The following AMZ2 variants were observed in gnomAD, a reference collection of about 807,000 sequenced individuals.
AMZ2 encodes archaelysin family metallopeptidase 2.
AMZ2 carries 26 observed loss-of-function variants against 36.7 expected under a neutral mutation model. The ratio of observed to expected loss-of-function variants is 0.71; its 90% confidence interval spans 0.52 to 0.98. The LOEUF is 0.98. AMZ2 is among the 50% of genes least tolerant of loss of function. The pLI, the probability that AMZ2 is intolerant of heterozygous loss-of-function variation, is 0.00. For missense variants in AMZ2, 394 were observed against 430.5 expected (o/e 0.92, Z 0.75); for synonymous variants, 144 against 149.1 (o/e 0.97, Z 0.25).
chr17:68,225,025 A>AAAC (rs1555729551), intron 1 of AMZ2, among the ~76,000 whole-genome samples: 11 of 146,680 alleles, frequency 7.5e-5, no homozygotes, highest in Non-Finnish European at 1.5e-5. Context: ...TAAAAAAAAA[A>AAAC]ACACACACAC....
Position 68,250,363 on chromosome 17 carries a change from G to T in AMZ2, c.176G>T (p.Trp59Leu), listed in dbSNP as rs782698254. Reference sequence around the variant, plus strand: ...ATTACCTTGCATTCTCCATCAGATTGGATCACCTCCCACCCTGAGGCTCCC... The same window carrying T: ...ATTACCTTGCATTCTCCATCAGATTTGATCACCTCCCACCCTGAGGCTCCC... ...GPITLHSPSDWITSHPEAPQD... is the reference protein window; with the variant it reads ...GPITLHSPSDLITSHPEAPQD... The change falls in exon 2 of 7, where the codon TGG becomes TTG. Residue 59 changes from tryptophan (W) to leucine (L), a missense_variant. Trp to Leu is a moderately conservative substitution (Grantham distance 61). Coordinates refer to ENST00000359904, the MANE Select transcript of AMZ2 (RefSeq NM_016627.5). 1 of 1,614,104 alleles carries T rather than the reference G, an allele frequency of 6.2e-7. No homozygotes were observed.
chr17:68,224,359 G>C (rs1555729340), intron 1 of AMZ2, among the ~76,000 whole-genome samples: 1 of 152,222 alleles, frequency 6.6e-6, no homozygotes, highest in Non-Finnish European at 1.5e-5. Flanking sequence ...TTTACCATAA[G>C]AGGGACTTGG....
chr17:68,220,762 CTTTT>C (rs1157247755), intron 1 of AMZ2, among the ~76,000 whole-genome samples: 6 of 146,064 alleles, frequency 4.1e-5, no homozygotes, highest in African/African-American at 1.5e-4. Flanking sequence ...ATCAGGGACA[CTTTT>C]TTTCTTTTTC....
chr17:68,243,930 T>C (rs1394942437), upstream of AMZ2, among the ~76,000 whole-genome samples: 3 of 152,226 alleles, frequency 2.0e-5, no homozygotes, highest in Non-Finnish European at 4.4e-5. Context: ...GGTAGGTAAC[T>C]GGGTTTTAAT....
rs782030153 is a variant in AMZ2, at chr17:68,254,494, C to T, written c.677C>T (p.Ser226Leu). 1 of 1,613,442 alleles carries T rather than the reference C, an allele frequency of 6.2e-7. No individual in the cohort carries two copies. Among genetic ancestry groups the T allele is most frequent in the Admixed American group, 1.7e-5 (1 of 60,018 alleles). Residue 226 changes from serine to leucine, a missense_variant, in exon 5 of 7, where the codon TCA (serine) becomes TTA (leucine). Physicochemically the swap from Ser to Leu is moderately radical, Grantham distance 145. Coordinates refer to ENST00000359904, the MANE Select transcript of AMZ2 (RefSeq NM_016627.5). ...GTGAAGAAGCTCAAGAAAACATCTT[C>T]AAGTGACTATTCAATTTTCGACAAC... is the stretch of plus-strand genomic sequence containing the variant. Reference protein sequence around the residue: ...GKVKKLKKTSSSDYSIFDNYY... With the variant: ...GKVKKLKKTSLSDYSIFDNYY...
At chr17:68,229,900 G>A (rs571421718) in intron 1 of AMZ2, among the ~76,000 whole-genome samples, 1 of 152,208 alleles carries the variant, frequency 6.6e-6, no homozygotes, top group East Asian at 1.9e-4. Context: ...TAGTCTCAGG[G>A]GCCTCTCACT....
In AMZ2 at chr17:68,248,052, G is replaced by C. The variant is rs377287439; in HGVS notation, c.-654G>C. The C allele has an allele frequency of 2.6e-5, 26 of 986,358 alleles. 2 individuals are homozygous for C. The highest frequency in any genetic ancestry group is 2.6e-4 in the African/African-American group (15 of 57,364). 61.1% of individuals were successfully genotyped at this position (986,358 alleles called of 1,614,324 possible). ...GGGCGTGGCGTGGCGCAGTGCGAAG[G>C]GACGCGGTGCGCATGCGCGTGAGGG... On this transcript the variant is annotated 5_prime_UTR_variant, in exon 1 of 7. Transcript: ENST00000359904.
chr17:68,219,598 C>T (rs2073293476), intron 1 of AMZ2, among the ~76,000 whole-genome samples: 1 of 152,164 alleles, frequency 6.6e-6, no homozygotes, highest in African/African-American at 2.4e-5. Flanking sequence ...GTGGCACAGT[C>T]ATAGGCCACT....
At chr17:68,232,120 T>TAAAAA (rs34203351) in intron 1 of AMZ2, among the ~76,000 whole-genome samples, 1 of 100,392 alleles carries the variant, frequency 1.0e-5, no homozygotes, top group Non-Finnish European at 2.0e-5. Context: ...CTGAAGTTTG[T>TAAAAA]AAAAAAAAAA....
In AMZ2 at chr17:68,250,920, G is replaced by A. The variant is rs1555739302; in HGVS notation, c.410G>A (p.Cys137Tyr). The A allele has an allele frequency of 1.2e-6, 2 of 1,609,794 alleles. No homozygotes were observed. Among genetic ancestry groups the A allele is most frequent in the Non-Finnish European group, 8.5e-7 (1 of 1,179,084 alleles). Reference protein sequence around the residue: ...LEPVPVSVTRCSFRVNENTHN... With the variant: ...LEPVPVSVTRYSFRVNENTHN... The stretch of plus-strand genomic sequence containing the variant: ...CCAGTTCCTGTTTCTGTAACAAGAT[G>A]TTCCTTTAGAGTCAATGAGAACACA... Residue 137 changes from cysteine to tyrosine, a missense_variant, in exon 3 of 7, where the codon TGT (cysteine) becomes TAT (tyrosine). By Grantham distance (194) the Cys-to-Tyr change is radical. Transcript: ENST00000359904.
chr17:68,247,207 G>A (rs112652725), upstream of AMZ2: 9,069 of 151,944 alleles, frequency 0.06, 480 homozygotes, highest in Admixed American at 0.13. Flanking sequence ...GTGATAGCGG[G>A]CACCTGTAGT....
chr17:68,240,778 G>T (rs2073885586), intron 1 of AMZ2, among the ~76,000 whole-genome samples: 1 of 152,150 alleles, frequency 6.6e-6, no homozygotes, highest in African/African-American at 2.4e-5. Flanking sequence ...CATCTCAGTA[G>T]CAACATTGGA....
intron 1 of AMZ2, chr17:68,207,139 TAAGTCAC>T (rs1555724589): frequency 6.6e-6 from 1 of 152,234 alleles, no homozygotes; most frequent in Admixed American, 6.5e-5. Flanking sequence ...GACCAACTTC[TAAGTCAC>T]ACAGCATCAT....
intron 1 of AMZ2, chr17:68,249,284 T>C: frequency 4.0e-6 from 1 of 253,124 alleles, no homozygotes; most frequent in Non-Finnish European, 7.2e-6. Flanking sequence ...ACGATGAGTA[T>C]TTTTCATGTG....
intron 1 of AMZ2, among the ~76,000 whole-genome samples, chr17:68,230,661 T>C (rs1424888393): frequency 1.3e-5 from 2 of 152,208 alleles, no homozygotes; most frequent in Non-Finnish European, 2.9e-5. Flanking sequence ...CACCTAGGAG[T>C]TGCTTGATCT....
At chr17:68,219,172 G>A (rs1251650852) in intron 1 of AMZ2, among the ~76,000 whole-genome samples, 1 of 152,050 alleles carries the variant, frequency 6.6e-6, no homozygotes, top group Non-Finnish European at 1.5e-5. Flanking sequence ...TCACCATGTT[G>A]GCCAGGCTGG....
intron 2 of AMZ2, 85 bp downstream of exon 2, chr17:68,250,555 G>T: frequency 6.7e-7 from 1 of 1,498,840 alleles, no homozygotes; most frequent in Non-Finnish European, 8.9e-7. Context: ...GTCTGATTCA[G>T]ATGGGCCGTT....
rs190174339 is a variant in AMZ2 at position 68,256,924 on chromosome 17, A to T, written c.1038A>T (p.Glu346Asp). The change falls in exon 7 of 7, where the codon GAA becomes GAT. Residue 346 changes from glutamate (E) to aspartate (D), a missense_variant. Glu to Asp is a conservative substitution (Grantham distance 45). Coordinates refer to ENST00000359904, the MANE Select transcript of AMZ2 (RefSeq NM_016627.5). ...NLPKPVEAFK[E>D]WKEWIIKCLA... ...CGAAACCCGTGGAAGCCTTTAAGGA[A>T]TGGAAAGAGTGGATAATAAAATGCC... The T allele has an allele frequency of 1.2e-6, 2 of 1,614,152 alleles. No individual in the cohort carries two copies. Among genetic ancestry groups the T allele is most frequent in the African/African-American group, 2.7e-5 (2 of 75,072 alleles).
In AMZ2 at chr17:68,255,847, G is replaced by A. The variant is rs1555742627; in HGVS notation, c.898G>A (p.Val300Ile). ...CTGTTTGCACAAGTTGCAGTGTGCT[G>A]TTGGCTTCAGCATTGTAGAAAGATA... ...PICLHKLQCAVGFSIVERYKA... is the reference protein window; with the variant it reads ...PICLHKLQCAIGFSIVERYKA... Residue 300 changes from valine (V) to isoleucine (I), a missense_variant, in exon 6 of 7, where the codon GTT (valine) becomes ATT (isoleucine). By Grantham distance (29) the Val-to-Ile change is conservative. Coordinates refer to ENST00000359904, the MANE Select transcript of AMZ2 (RefSeq NM_016627.5). 2 of 1,614,154 alleles carry A rather than the reference G, an allele frequency of 1.2e-6. No homozygotes were observed. The highest frequency in any genetic ancestry group is 1.7e-6 in the Non-Finnish European group (2 of 1,180,028).
Sources: gnomAD v4.1 joint callset for allele counts (sites outside exome capture counted in the v4.1 genomes callset) on GRCh38, gnomAD v4.1.1 for gene constraint, MANE v1.5 for transcripts, NCBI Gene and HGNC (gene_info 2026-07-23, HGNC 2026-07-21) for gene names.